The following RAB2A variants were observed in gnomAD, a reference collection of about 807,000 sequenced individuals.
The protein encoded by RAB2A is ras-related protein Rab-2A.
RAB2A carries 7 observed loss-of-function variants against 32.5 expected under a neutral mutation model. The observed-to-expected ratio is 0.22, with a 90% confidence interval of 0.12 to 0.40. The LOEUF (loss-of-function observed/expected upper bound fraction) is 0.40. Ranked by LOEUF, RAB2A falls within the 10% of genes least tolerant of loss-of-function variation. RAB2A has a pLI of 1.00. For synonymous variants in RAB2A, 79 were observed against 85.2 expected (o/e 0.93, Z 0.40); for missense variants, 108 against 260.7 (o/e 0.41, Z 4.03).
At position 60,621,495 on chromosome 8, in the gene RAB2A, C is replaced by A. The variant is rs1804525183; in HGVS notation, c.*726C>A. 1 of 151,822 alleles carries A rather than the reference C, an allele frequency of 6.6e-6. No individual in the cohort carries two copies. Among genetic ancestry groups the A allele is most frequent in the African/African-American group, 2.4e-5 (1 of 41,324 alleles). 9.4% of individuals were successfully genotyped at this position (151,822 alleles called of 1,614,324 possible). A position where few individuals can be genotyped will look rare whatever the true frequency, so the allele number is the denominator to read the frequency against. On this transcript the variant is annotated 3_prime_UTR_variant, in exon 8 of 8. Coordinates refer to ENST00000262646, the MANE Select transcript of RAB2A (RefSeq NM_002865.3). ...TTTAATGCCAAAAGTTTGCTTTGTCCACAATTTCCTTAAGACCTCTTCAGA... is the reference window on the plus strand; with the variant it reads ...TTTAATGCCAAAAGTTTGCTTTGTCAACAATTTCCTTAAGACCTCTTCAGA...
intron 6 of RAB2A, among the ~76,000 whole-genome samples, chr8:60,592,410 TG>T (rs1197960343): frequency 6.6e-6 from 1 of 152,192 alleles, no homozygotes; most frequent in Non-Finnish European, 1.5e-5. Flanking sequence ...AAATCTTTTT[TG>T]TGTTGCATGG....
intron 6 of RAB2A, among the ~76,000 whole-genome samples, chr8:60,603,153 T>G (rs754206127): frequency 6.6e-6 from 1 of 152,236 alleles, no homozygotes; most frequent in Non-Finnish European, 1.5e-5. Context: ...TTGGCACCTA[T>G]GTGTAGAGAA....
intron 2 of RAB2A, among the ~76,000 whole-genome samples, chr8:60,560,763 C>T (rs1333423579): frequency 1.4e-5 from 2 of 145,762 alleles, no homozygotes; most frequent in Admixed American, 6.8e-5. Context: ...TTTTTTTTAG[C>T]TCATCACCTG....
intron 6 of RAB2A, among the ~76,000 whole-genome samples, chr8:60,596,223 A>G (rs1804019620): frequency 6.6e-6 from 1 of 152,354 alleles, no homozygotes; most frequent in Admixed American, 6.5e-5. Context: ...AATACCATTC[A>G]GGACATAGGC....
chr8:60,535,743 A>G (rs1342876999), intron 1 of RAB2A, among the ~76,000 whole-genome samples: 1 of 152,238 alleles, frequency 6.6e-6, no homozygotes, highest in Non-Finnish European at 1.5e-5. Flanking sequence ...TGCTGTTATC[A>G]ATACGGCCTG....
At chr8:60,620,622 G>T (rs1190610357) in intron 7 of RAB2A, 52 bp from the exon 8 acceptor site, 16 of 1,322,928 alleles carry the variant, frequency 1.2e-5, no homozygotes, top group Admixed American at 1.7e-5. Context: ...TTAAGAATTA[G>T]TTAAACTATA....
intron 3 of RAB2A, among the ~76,000 whole-genome samples, chr8:60,577,817 G>GTTTTTTTTTTT (rs1563475782): frequency 1.5e-5 from 2 of 135,626 alleles, no homozygotes; most frequent in East Asian, 2.2e-4. Flanking sequence ...TTTTTTTTTG[G>GTTTTTTTTTTT]ATTTTTAGTG....
chr8:60,543,685 G>A (rs998140332), intron 1 of RAB2A, among the ~76,000 whole-genome samples: 3 of 152,150 alleles, frequency 2.0e-5, no homozygotes, highest in Non-Finnish European at 2.9e-5. Flanking sequence ...ATGAAATGGA[G>A]GTTATTCTCT....
chr8:60,544,009 C>A (rs1160109591), intron 1 of RAB2A, among the ~76,000 whole-genome samples: 1 of 147,606 alleles, frequency 6.8e-6, no homozygotes, highest in Non-Finnish European at 1.5e-5. Flanking sequence ...TTGCAGTGAG[C>A]CGAGATTGCG....
chr8:60,550,399 T>G (rs578008164), intron 1 of RAB2A, among the ~76,000 whole-genome samples: 1 of 152,160 alleles, frequency 6.6e-6, no homozygotes, highest in Admixed American at 6.5e-5. Context: ...TCTTTTTTTT[T>G]TTTGAGGCAG....
At chr8:60,598,722 C>T (rs1586106857) in intron 6 of RAB2A, among the ~76,000 whole-genome samples, 2 of 151,746 alleles carry the variant, frequency 1.3e-5, no homozygotes, top group East Asian at 1.9e-4. Flanking sequence ...AACACCCATA[C>T]ATATTTAAAA....
intron 1 of RAB2A, among the ~76,000 whole-genome samples, chr8:60,531,934 C>T (rs536886480): frequency 6.6e-6 from 1 of 152,010 alleles, no homozygotes; most frequent in South Asian, 2.1e-4. Context: ...TCCCGAGTAG[C>T]TGGGATTACA....
At position 60,597,560 on chromosome 8, in the gene RAB2A, G is replaced by A. The variant is rs559346854; in HGVS notation, c.474+5591G>A. On this transcript the variant is annotated intron_variant, in intron 6 of 7. Coordinates refer to ENST00000262646, the MANE Select transcript of RAB2A (RefSeq NM_002865.3). Reference sequence around the variant, plus strand: ...ATACCTATGTAACAAATCTGCACATGTATCCCAGAACTTAAAGTATAATTT... The same window carrying A: ...ATACCTATGTAACAAATCTGCACATATATCCCAGAACTTAAAGTATAATTT... Among the ~76,000 whole-genome samples the A allele has an allele frequency of 1.4e-3, 211 of 151,974 alleles. 1 individual carries two copies. The highest frequency in any genetic ancestry group is 2.4e-3 in the Non-Finnish European group (165 of 67,946).
intron 1 of RAB2A, among the ~76,000 whole-genome samples, chr8:60,536,471 C>T (rs528944243): frequency 2.6e-5 from 4 of 152,090 alleles, no homozygotes; most frequent in South Asian, 2.1e-4. Context: ...AAAGTTTTCT[C>T]TTCAAGCAAC....
intron 2 of RAB2A, chr8:60,559,313 T>A (rs1325298173): frequency 5.0e-6 from 1 of 199,690 alleles, no homozygotes; most frequent in Non-Finnish European, 1.0e-5. Context: ...TCTCTTTCTG[T>A]TCAATGAGAG....
chr8:60,526,819 A>C (rs1396112296), intron 1 of RAB2A, among the ~76,000 whole-genome samples: 1 of 152,098 alleles, frequency 6.6e-6, no homozygotes, highest in Admixed American at 6.5e-5. Flanking sequence ...AATACAAAAA[A>C]TTAGCCAGGC....
chr8:60,604,500 G>A (rs1804193046), intron 6 of RAB2A, among the ~76,000 whole-genome samples: 1 of 152,160 alleles, frequency 6.6e-6, no homozygotes, highest in Non-Finnish European at 1.5e-5. Context: ...ACTTCTTAGA[G>A]ACTGCTTGAA....
chr8:60,577,962 G>T (rs1350785994), intron 3 of RAB2A, among the ~76,000 whole-genome samples: 1 of 151,862 alleles, frequency 6.6e-6, no homozygotes, highest in Admixed American at 6.6e-5. Flanking sequence ...TTTTTAAGTT[G>T]AGTCTTTTAA....
At position 60,621,882 on chromosome 8, in the gene RAB2A, A is replaced by G. The variant is rs1470747387; in HGVS notation, c.*1113A>G. On this transcript the variant is annotated 3_prime_UTR_variant, in exon 8 of 8. Coordinates refer to ENST00000262646, the MANE Select transcript of RAB2A (RefSeq NM_002865.3). Reference sequence around the variant, plus strand: ...TCTATCAGATGGAAAATCCTGTTACAAAGTAGAAAAGCTTTAGTAATTTAC... The same window carrying G: ...TCTATCAGATGGAAAATCCTGTTACGAAGTAGAAAAGCTTTAGTAATTTAC... The G allele has an allele frequency of 1.3e-5, 2 of 152,210 alleles. No individual in the cohort carries two copies. Among genetic ancestry groups the G allele is most frequent in the African/African-American group, 4.8e-5 (2 of 41,466 alleles). 9.4% of individuals were successfully genotyped at this position (152,210 alleles called of 1,614,324 possible).
Sources: allele counts gnomAD v4.1 joint callset (sites outside exome capture counted in the v4.1 genomes callset), GRCh38; gene constraint gnomAD v4.1.1; transcripts MANE v1.5; gene names NCBI Gene and HGNC (gene_info 2026-07-23, HGNC 2026-07-21).